IL1RAPL1: variants seen among roughly 807,000 people sequenced by gnomAD.
IL1RAPL1 encodes interleukin-1 receptor accessory protein-like 1.
In IL1RAPL1, 3 loss-of-function variants were observed where a neutral mutation model predicts 48.4. The observed-to-expected ratio is 0.06, with a 90% CI of 0.03 to 0.16. IL1RAPL1 has a LOEUF of 0.16. Among genes scored for constraint, IL1RAPL1 ranks in the 10% least tolerant of loss-of-function variants. The probability of loss-of-function intolerance (pLI) is 1.00; values close to 1 mark genes in which losing one functional copy is unlikely to be tolerated. For missense variants in IL1RAPL1, 349 were observed against 530.6 expected (o/e 0.66, Z 3.36); for synonymous variants, 185 against 187.7 (o/e 0.99, Z 0.12).
At chrX:29,942,908 A>C (rs1346751780) in intron 9 of IL1RAPL1, among the ~76,000 whole-genome samples, 1 of 110,761 alleles carries the variant, frequency 9.0e-6, no homozygotes, top group Admixed American at 9.6e-5. Flanking sequence ...GGCACGAGCT[A>C]CTGCACCCGG....
At chrX:28,895,788 G>A (rs1416538518) in intron 2 of IL1RAPL1, among the ~76,000 whole-genome samples, 1 of 111,457 alleles carries the variant, frequency 9.0e-6, no homozygotes, top group Non-Finnish European at 1.9e-5. Context: ...CCTCCACTGT[G>A]GGAGTTACCC....
At chrX:28,975,958 T>G (rs761896284) in intron 2 of IL1RAPL1, among the ~76,000 whole-genome samples, 65 of 111,161 alleles carry the variant, frequency 5.8e-4, no homozygotes, top group African/African-American at 1.9e-3. Context: ...ACAAGAGAAA[T>G]GAACACGTAT....
At chrX:28,857,396 C>T (rs1422453114) in intron 2 of IL1RAPL1, among the ~76,000 whole-genome samples, 2 of 111,565 alleles carry the variant, frequency 1.8e-5, no homozygotes, top group East Asian at 2.8e-4. Flanking sequence ...AAGAATATGC[C>T]GTCTAGAACT....
At chrX:28,997,044 C>T (rs1441756707) in intron 2 of IL1RAPL1, among the ~76,000 whole-genome samples, 2 of 111,275 alleles carry the variant, frequency 1.8e-5, no homozygotes, top group African/African-American at 6.5e-5. Flanking sequence ...GGATCATGGA[C>T]TTACCCAGTG....
chrX:29,909,423 C>CCTAT (rs764780062), intron 6 of IL1RAPL1, among the ~76,000 whole-genome samples: 10 of 110,048 alleles, frequency 9.1e-5, no homozygotes, highest in African/African-American at 3.0e-4. Context: ...AGAGTGAGAC[C>CCTAT]CTATCTCAAA....
chrX:29,932,115 AATCTT>A (rs1262115236), intron 8 of IL1RAPL1, among the ~76,000 whole-genome samples: 5 of 112,073 alleles, frequency 4.5e-5, no homozygotes, highest in Admixed American at 9.4e-5. Flanking sequence ...CATCATACTT[AATCTT>A]ATGAGATCTG....
chrX:28,712,529 G>A (rs762930494), intron 1 of IL1RAPL1, among the ~76,000 whole-genome samples: 1 of 111,677 alleles, frequency 9.0e-6, no homozygotes, highest in African/African-American at 3.3e-5. Context: ...ATTCTGGAAA[G>A]CAAGCATAAG....
chrX:29,259,164 A>G (rs770613578), intron 2 of IL1RAPL1, among the ~76,000 whole-genome samples: 60 of 111,866 alleles, frequency 5.4e-4, no homozygotes, highest in Non-Finnish European at 9.8e-4. Flanking sequence ...AACAAAAAAC[A>G]CAGCTCAAAT....
At chrX:28,752,714 G>A (rs1936058219) in intron 1 of IL1RAPL1, among the ~76,000 whole-genome samples, 1 of 112,214 alleles carries the variant, frequency 8.9e-6, no homozygotes, top group African/African-American at 3.2e-5. Context: ...TGATGCCCAG[G>A]CTTCCAGCCC....
intron 2 of IL1RAPL1, among the ~76,000 whole-genome samples, chrX:28,847,617 C>G (rs1921544731): frequency 9.0e-6 from 1 of 110,906 alleles, no homozygotes; most frequent in African/African-American, 3.3e-5. Flanking sequence ...TCTGTTACAT[C>G]AGACACACCC....
At chrX:29,630,772 TC>T (rs1429040665) in intron 5 of IL1RAPL1, among the ~76,000 whole-genome samples, 1 of 111,878 alleles carries the variant, frequency 8.9e-6, no homozygotes, top group Non-Finnish European at 1.9e-5. Flanking sequence ...TCTCCTGACC[TC>T]GTGATCCGCC....
intron 6 of IL1RAPL1, among the ~76,000 whole-genome samples, chrX:29,766,368 G>T (rs1157176271): frequency 0.018 from 1,324 of 73,710 alleles, 99 homozygotes; most frequent in African/African-American, 0.074. Flanking sequence ...TATATAGATA[G>T]ATAGATAGAT....
chrX:29,397,142 C>CA (rs772178945), intron 4 of IL1RAPL1, among the ~76,000 whole-genome samples: 40 of 111,749 alleles, frequency 3.6e-4, no homozygotes, highest in Non-Finnish European at 7.0e-4. Flanking sequence ...TGAATGTACT[C>CA]AAAAAATAAA....
chrX:28,959,180 A>G (rs574385478), intron 2 of IL1RAPL1, among the ~76,000 whole-genome samples: 1 of 79,005 alleles, frequency 1.3e-5, no homozygotes, highest in African/African-American at 5.6e-5. Flanking sequence ...TTGTGTATCT[A>G]ATTTTTAATA....
At chrX:29,169,565 TG>T (rs1270288618) in intron 2 of IL1RAPL1, among the ~76,000 whole-genome samples, 1 of 110,826 alleles carries the variant, frequency 9.0e-6, no homozygotes, top group African/African-American at 3.3e-5. Flanking sequence ...CAAAAATATA[TG>T]GTCATTTAGT....
chrX:29,289,333 G>A (rs184216677), intron 3 of IL1RAPL1, among the ~76,000 whole-genome samples: 6 of 112,154 alleles, frequency 5.3e-5, no homozygotes, highest in African/African-American at 1.9e-4. Flanking sequence ...TTGTTGAAAA[G>A]GCTATGCTTC....
chrX:29,306,542 A>C (rs1481642021), intron 3 of IL1RAPL1, among the ~76,000 whole-genome samples: 2 of 101,270 alleles, frequency 2.0e-5, no homozygotes, highest in South Asian at 4.5e-4. Context: ...AAAAAAAAAA[A>C]AAAAAAAAAA....
chrX:29,389,274 T>G (rs1933824242), intron 3 of IL1RAPL1, among the ~76,000 whole-genome samples: 1 of 101,528 alleles, frequency 9.8e-6, no homozygotes, highest in African/African-American at 3.8e-5. Flanking sequence ...GAGAATCTCC[T>G]GAACCTGGGA....
rs761157206 is a variant in IL1RAPL1 at position 29,229,510 on chromosome X, G to C, written c.83-53428G>C. On this transcript the variant is annotated intron_variant, in intron 2 of 10. Coordinates refer to ENST00000378993, the MANE Select transcript of IL1RAPL1 (RefSeq NM_014271.4). The stretch of plus-strand genomic sequence containing the variant: ...CAAATGTATTTCTACCACTAAAGTT[G>C]CTATACCACTTTATGGAAAGAAGAA... Among the ~76,000 whole-genome samples, 4 of 111,675 alleles carry C rather than the reference G, an allele frequency of 3.6e-5. No individual in the cohort carries two copies. The South Asian group carries it at 1.1e-3, about 31-fold the overall frequency.
Sources: gnomAD v4.1 joint callset for allele counts (sites outside exome capture counted in the v4.1 genomes callset) on GRCh38, gnomAD v4.1.1 for gene constraint, MANE v1.5 for transcripts, NCBI Gene and HGNC (gene_info 2026-07-23, HGNC 2026-07-21) for gene names.